Variants in AIMP1 observed in about 807,000 individuals in gnomAD.
AIMP1 encodes the protein aminoacyl tRNA synthase complex-interacting multifunctional protein 1.
AIMP1 carries 24 observed loss-of-function variants against 33.1 expected under a neutral mutation model. The observed-to-expected ratio is 0.73, with a 90% CI of 0.53 to 1.02. AIMP1 has a LOEUF of 1.02. Ranked by LOEUF, AIMP1 falls within the 50% of genes least tolerant of loss-of-function variation. AIMP1 has a pLI of 0.00. For synonymous variants in AIMP1, 120 were observed against 121.5 expected (o/e 0.99, Z 0.08); for missense variants, 367 against 364.8 (o/e 1.01, Z -0.05).
At chr4:106,321,017 G>T (rs1769201844) in intron 1 of AIMP1, among the ~76,000 whole-genome samples, 1 of 152,318 alleles carries the variant, frequency 6.6e-6, no homozygotes, top group African/African-American at 2.4e-5. Flanking sequence ...TGAGGTGCCG[G>T]GATTGCAGAC....
intron 6 of AIMP1, among the ~76,000 whole-genome samples, chr4:106,338,857 A>G (rs1769992030): frequency 6.6e-6 from 1 of 152,208 alleles, no homozygotes; most frequent in Admixed American, 6.5e-5. Context: ...GCTGTGCCCT[A>G]CAAAGCCACA....
intron 6 of AIMP1, among the ~76,000 whole-genome samples, chr4:106,344,615 G>A (rs7691746): frequency 0.018 from 2,766 of 152,178 alleles, 79 homozygotes; most frequent in African/African-American, 0.061. Context: ...AATTAGAGCA[G>A]GCAGAGTGAT....
intron 4 of AIMP1, among the ~76,000 whole-genome samples, chr4:106,329,086 A>G (rs1769567246): frequency 8.0e-6 from 1 of 125,464 alleles, no homozygotes; most frequent in Non-Finnish European, 1.7e-5. Context: ...AGAGGGATTT[A>G]TGAACTAACC....
chr4:106,345,521 A>G (rs375220902), intron 6 of AIMP1, among the ~76,000 whole-genome samples: 1 of 152,110 alleles, frequency 6.6e-6, no homozygotes, highest in South Asian at 2.1e-4. Context: ...TTTTTTTTCC[A>G]TTCTATTTAT....
At chr4:106,336,194 A>G (rs1016946968) in intron 5 of AIMP1, among the ~76,000 whole-genome samples, 3 of 150,556 alleles carry the variant, frequency 2.0e-5, no homozygotes, top group Non-Finnish European at 3.0e-5. Flanking sequence ...CACCATGCCC[A>G]GCGAATTTTT....
intron 1 of AIMP1, among the ~76,000 whole-genome samples, chr4:106,318,876 G>C (rs1769089596): frequency 6.6e-6 from 1 of 152,092 alleles, no homozygotes; most frequent in South Asian, 2.1e-4. Flanking sequence ...TTTAAAAGAA[G>C]TCTGTCAATA....
rs202186583 is a variant in AIMP1 at position 106,340,282 on chromosome 4, G to T, written c.772+3245G>T. Among the ~76,000 whole-genome samples, 572 of 147,468 alleles carry T rather than the reference G, an allele frequency of 3.9e-3. 3 individuals are homozygous for T. The highest frequency in any genetic ancestry group is 0.013 in the African/African-American group (541 of 40,324). ...ATAAAATTAAACTAAGGTTTTTTGG[G>T]TTTTTTTTTTTCCAACTTGTATTTT... On this transcript the variant is annotated intron_variant, in intron 6 of 6. Transcript: ENST00000672341.
intron 6 of AIMP1, among the ~76,000 whole-genome samples, chr4:106,338,924 T>C (rs1769994422): frequency 2.0e-5 from 3 of 152,208 alleles, no homozygotes; most frequent in Admixed American, 6.5e-5. Context: ...ATGACCTGCG[T>C]GTGAGACATG....
Position 106,336,869 on chromosome 4 carries a change from A to T in AIMP1, c.604A>T (p.Met202Leu). 2 of 1,613,930 alleles carry T rather than the reference A, an allele frequency of 1.2e-6. No individual in the cohort carries two copies. Among genetic ancestry groups the T allele is most frequent in the Non-Finnish European group, 1.7e-6 (2 of 1,179,870 alleles). ...ACTTACCAGTTTATATTTCACACAG[A>T]TGCAAAATCGGATGGTGATTTTACT... Reference protein sequence around the residue: ...GLVNHVPLEQMQNRMVILLCN... With the variant: ...GLVNHVPLEQLQNRMVILLCN... The change falls in exon 6 of 7, where the codon ATG (methionine) becomes TTG (leucine). Residue 202 changes from methionine to leucine, a missense_variant and splice_region_variant. Physicochemically the swap from Met to Leu is conservative, Grantham distance 15. Coordinates refer to ENST00000672341, the MANE Select transcript of AIMP1 (RefSeq NM_001142416.2).
chr4:106,331,854 G>A lies in AIMP1; in HGVS notation c.574G>A (p.Gly192Ser). The A allele has an allele frequency of 9.3e-6, 15 of 1,614,068 alleles. No individual in the cohort carries two copies. The highest frequency in any genetic ancestry group is 1.3e-5 in the Non-Finnish European group (15 of 1,179,972). Residue 192 changes from glycine (G) to serine (S), a missense_variant, in exon 5 of 7, where the codon GGC (glycine) becomes AGC (serine). Gly to Ser is a moderately conservative substitution (Grantham distance 56, BLOSUM62 0). Transcript: ENST00000672341. The part of the protein sequence containing the change: ...GEIAPRTVVS[G>S]LVNHVPLEQM... The stretch of plus-strand genomic sequence containing the variant: ...AATAGCCCCAAGGACAGTTGTCAGT[G>A]GCCTGGTGAATCATGTTCCTCTTGA...
intron 6 of AIMP1, among the ~76,000 whole-genome samples, chr4:106,345,263 TTAAC>T (rs1171006695): frequency 6.6e-6 from 1 of 152,212 alleles, no homozygotes; most frequent in Non-Finnish European, 1.5e-5. Context: ...AGTCTGCTTC[TTAAC>T]TAACTCATTA....
Position 106,317,743 on chromosome 4 carries a change from G to A in AIMP1, c.-26+1149G>A, listed in dbSNP as rs142964621. On this transcript the variant is annotated intron_variant, in intron 1 of 6. Transcript: ENST00000672341. ...CAAGTTAAAATCATGGCTTTGCTAT[G>A]TGGTACTTGAAGGGATTCAGATAAG... Among the ~76,000 whole-genome samples the A allele has an allele frequency of 1.1e-3, 173 of 152,328 alleles. 1 individual carries two copies. Among genetic ancestry groups the A allele is most frequent in the African/African-American group, 4.1e-3 (169 of 41,580 alleles).
rs1770370890 is a variant in AIMP1, at chr4:106,348,039, A to C, written c.*347A>C. The C allele has an allele frequency of 5.4e-6, 1 of 185,292 alleles. No homozygotes were observed. The highest frequency in any genetic ancestry group is 1.1e-5 in the Non-Finnish European group (1 of 88,504). 11.5% of individuals were successfully genotyped at this position (185,292 alleles called of 1,614,324 possible). On this transcript the variant is annotated 3_prime_UTR_variant, in exon 7 of 7. Coordinates refer to ENST00000672341, the MANE Select transcript of AIMP1 (RefSeq NM_001142416.2). ...GTAGGCACAGGATGCATGAAATTTCAAGCTCTGGGATTTTTTGTATATTGT... is the reference window on the plus strand; with the variant it reads ...GTAGGCACAGGATGCATGAAATTTCCAGCTCTGGGATTTTTTGTATATTGT...
rs183093438 is a variant in AIMP1 at position 106,320,779 on chromosome 4, G to A, written c.-26+4185G>A. The stretch of plus-strand genomic sequence containing the variant: ...CCCTCTCCCTCTCCCTCTCCGCACC[G>A]TCTCCCTCTGATGCCGAGCCGAGGC... On this transcript the variant is annotated intron_variant, in intron 1 of 6. Coordinates refer to ENST00000672341, the MANE Select transcript of AIMP1 (RefSeq NM_001142416.2). Among the ~76,000 whole-genome samples, 163 of 152,110 alleles carry A rather than the reference G, an allele frequency of 1.1e-3. 1 individual carries two copies. Among genetic ancestry groups the A allele is most frequent in the Non-Finnish European group, 1.9e-3 (128 of 67,978 alleles).
chr4:106,321,313 C>G (rs1769220301), intron 1 of AIMP1: 1 of 158,288 alleles, frequency 6.3e-6, no homozygotes, highest in Non-Finnish European at 1.4e-5. Context: ...GCGTCTCTGC[C>G]CAGCCGCCCA....
rs1351953833 is a variant in AIMP1 at position 106,328,208 on chromosome 4, A to G, written c.356A>G (p.Asp119Gly). The G allele has an allele frequency of 6.2e-7, 1 of 1,612,078 alleles. No homozygotes were observed. The highest frequency in any genetic ancestry group is 2.2e-5 in the East Asian group (1 of 44,802). The stretch of plus-strand genomic sequence containing the variant: ...GAACAGATAAAAGGAGGAACAGGAG[A>G]CGAAAAGAAAGCGAAAGAGAAAATT... ...TKEQIKGGTGDEKKAKEKIEK... is the reference protein window; with the variant it reads ...TKEQIKGGTGGEKKAKEKIEK... The change falls in exon 4 of 7, where the codon GAC (aspartate) becomes GGC (glycine). Residue 119 changes from aspartate to glycine, a missense_variant. By Grantham distance (94) the Asp-to-Gly change is moderately conservative (BLOSUM62 -1). Coordinates refer to ENST00000672341, the MANE Select transcript of AIMP1 (RefSeq NM_001142416.2).
At position 106,349,247 on chromosome 4, in the gene AIMP1, C is replaced by T; in HGVS notation, c.*1555C>T. 1 of 151,620 alleles carries T rather than the reference C, an allele frequency of 6.6e-6. No individual in the cohort carries two copies. The allele number at this position is 151,620 out of a possible 1,614,324, so 9.4% of individuals were successfully genotyped here. ...CAAAGTCTTTTGTGAGTTTTTTGCTCTAATTTTTCTCAATTATATTAAATT... is the reference window on the plus strand; with the variant it reads ...CAAAGTCTTTTGTGAGTTTTTTGCTTTAATTTTTCTCAATTATATTAAATT... On this transcript the variant is annotated 3_prime_UTR_variant, in exon 7 of 7. Transcript: ENST00000672341.
chr4:106,320,960 C>T (rs931501470), intron 1 of AIMP1, among the ~76,000 whole-genome samples: 1 of 152,194 alleles, frequency 6.6e-6, no homozygotes, highest in Non-Finnish European at 1.5e-5. Context: ...GTTGGCCGGG[C>T]TGGTCTCCAG....
At chr4:106,326,252 A>G (rs577695549) in intron 2 of AIMP1, among the ~76,000 whole-genome samples, 93 of 152,358 alleles carry the variant, frequency 6.1e-4, no homozygotes, top group Non-Finnish European at 9.7e-4. Context: ...TATAAAGAAT[A>G]GTTAAAAATC....
Sources: allele counts gnomAD v4.1 joint callset (sites outside exome capture counted in the v4.1 genomes callset), GRCh38; gene constraint gnomAD v4.1.1; transcripts MANE v1.5; gene names NCBI Gene and HGNC (gene_info 2026-07-23, HGNC 2026-07-21).